Variants in TMTC2 observed in about 807,000 individuals in gnomAD.
TMTC2 encodes transmembrane O-mannosyltransferase targeting cadherins 2, also known as protein O-mannosyl-transferase TMTC2.
A neutral mutation model predicts 82.4 loss-of-function variants in TMTC2; 43 were observed. The observed-to-expected ratio is 0.52, with a 90% confidence interval of 0.41 to 0.67. TMTC2 has a LOEUF of 0.67. TMTC2 is among the 30% of genes least tolerant of loss of function. The pLI, the probability that TMTC2 is intolerant of heterozygous loss-of-function variation, is 0.00. For synonymous variants in TMTC2, 408 were observed against 381.9 expected, an observed-to-expected ratio of 1.07 and a Z score of -0.80; for missense variants, 919 against 1,012.4, an observed-to-expected ratio of 0.91 and a Z score of 1.25.
intron 4 of TMTC2, among the ~76,000 whole-genome samples, chr12:82,954,796 G>C (rs1029727917): frequency 6.6e-6 from 1 of 152,228 alleles, no homozygotes; most frequent in African/African-American, 2.4e-5. Context: ...GTTCTATCTA[G>C]AGGGCAGTCT....
intron 8 of TMTC2, among the ~76,000 whole-genome samples, chr12:83,019,008 T>A (rs1880799073): frequency 1.3e-5 from 2 of 152,078 alleles, no homozygotes; most frequent in Non-Finnish European, 2.9e-5. Context: ...ACAACAAAAG[T>A]AGGAATCAAG....
rs141652120 is a variant in TMTC2 at position 82,761,884 on chromosome 12, T to TTCTTTCTTTCTC, written c.83+74218_83+74219insTTCTTTCTCTCT. On this transcript the variant is annotated intron_variant, in intron 1 of 11. Transcript: ENST00000321196. ...TGTTTCTCTTTCTCTCTTTCTTTCT[T>TTCTTTCTTTCTC]TCTCTCTCTTTCTTTCTTTCTTTTT... Among the ~76,000 whole-genome samples the TTCTTTCTTTCTC allele has an allele frequency of 1.4e-3, 216 of 150,030 alleles. 1 individual carries two copies. Among genetic ancestry groups the TTCTTTCTTTCTC allele is most frequent in the Middle Eastern group, 3.4e-3 (1 of 294 alleles).
At chr12:82,824,641 C>T (rs992264326) in intron 1 of TMTC2, among the ~76,000 whole-genome samples, 2 of 151,994 alleles carry the variant, frequency 1.3e-5, no homozygotes, top group African/African-American at 4.8e-5. Flanking sequence ...ATTAAATGGC[C>T]TGAGAAATTG....
intron 4 of TMTC2, among the ~76,000 whole-genome samples, chr12:82,936,602 A>G (rs1274759074): frequency 6.6e-6 from 1 of 152,164 alleles, no homozygotes; most frequent in African/African-American, 2.4e-5. Context: ...TTAAATTACT[A>G]TACTCTTTCA....
At chr12:82,913,239 T>A (rs2137213473) in intron 3 of TMTC2, among the ~76,000 whole-genome samples, 1 of 152,270 alleles carries the variant, frequency 6.6e-6, no homozygotes, top group South Asian at 2.1e-4. Flanking sequence ...GTTGATGAAG[T>A]CACTAAAGTC....
chr12:83,077,171 C>T (rs1332474768), intron 11 of TMTC2, among the ~76,000 whole-genome samples: 3 of 152,082 alleles, frequency 2.0e-5, no homozygotes, highest in Non-Finnish European at 4.4e-5. Context: ...GGCATATTGA[C>T]GTTGTTTAAG....
At chr12:82,755,487 G>T (rs1876256009) in intron 1 of TMTC2, among the ~76,000 whole-genome samples, 1 of 152,144 alleles carries the variant, frequency 6.6e-6, no homozygotes, top group South Asian at 2.1e-4. Flanking sequence ...TCAGTTCCTG[G>T]CATTTTTGTT....
chr12:82,857,916 G>A (rs537993216), intron 2 of TMTC2, among the ~76,000 whole-genome samples: 29 of 152,212 alleles, frequency 1.9e-4, no homozygotes, highest in Admixed American at 7.2e-4. Context: ...TGTCTATAAC[G>A]TGTATTTGTA....
intron 1 of TMTC2, among the ~76,000 whole-genome samples, chr12:82,722,508 A>G (rs1347074903): frequency 7.5e-6 from 1 of 132,702 alleles, no homozygotes; most frequent in African/African-American, 2.9e-5. Context: ...CAGAGCTTGC[A>G]GTGAGCAGAG....
At chr12:82,842,609 C>T (rs1235154224) in intron 1 of TMTC2, among the ~76,000 whole-genome samples, 1 of 152,038 alleles carries the variant, frequency 6.6e-6, no homozygotes, top group African/African-American at 2.4e-5. Flanking sequence ...TATTATTTTT[C>T]TAGGGCTGCC....
intron 7 of TMTC2, among the ~76,000 whole-genome samples, chr12:82,968,612 A>G (rs934976115): frequency 6.6e-6 from 1 of 152,142 alleles, no homozygotes; most frequent in African/African-American, 2.4e-5. Flanking sequence ...TTGGCAACAG[A>G]CTGCATGTAG....
intron 1 of TMTC2, among the ~76,000 whole-genome samples, chr12:82,752,845 C>T (rs1876090957): frequency 6.6e-6 from 1 of 152,074 alleles, no homozygotes; most frequent in African/African-American, 2.4e-5. Context: ...CACATCTCTT[C>T]TGTCTTCTGT....
At chr12:82,811,431 C>T (rs1277446543) in intron 1 of TMTC2, among the ~76,000 whole-genome samples, 1 of 151,830 alleles carries the variant, frequency 6.6e-6, no homozygotes, top group Non-Finnish European at 1.5e-5. Context: ...ATATATTTTA[C>T]AATAATAGTA....
Position 82,985,962 on chromosome 12 carries a change from A to G in TMTC2, c.1986A>G (p.Ala662=). The G allele has an allele frequency of 6.2e-7, 1 of 1,613,992 alleles. No homozygotes were observed. The highest frequency in any genetic ancestry group is 2.2e-5 in the East Asian group (1 of 44,868). The change falls in exon 8 of 12, where the codon GCA becomes GCG. Residue 662 remains alanine (A), a synonymous_variant. Transcript: ENST00000321196. ...AYMRLSKLPE[A]EHWYMESLRS... ...TGCGTTTAAGCAAACTCCCCGAAGC[A>G]GAGCATTGGTATATGGAATCACTGA... is the stretch of plus-strand genomic sequence containing the variant.
At chr12:82,830,963 G>A (rs1259892118) in intron 1 of TMTC2, among the ~76,000 whole-genome samples, 1 of 152,142 alleles carries the variant, frequency 6.6e-6, no homozygotes, top group African/African-American at 2.4e-5. Context: ...CAAGAAGGTG[G>A]TAACTTCTGC....
chr12:83,037,976 CA>C (rs1018458841), intron 9 of TMTC2, among the ~76,000 whole-genome samples: 7 of 151,886 alleles, frequency 4.6e-5, no homozygotes, highest in African/African-American at 1.7e-4. Flanking sequence ...GAGATAGGAA[CA>C]AATGATACAA....
intron 1 of TMTC2, among the ~76,000 whole-genome samples, chr12:82,846,050 C>T (rs1565775980): frequency 6.6e-6 from 1 of 151,812 alleles, no homozygotes; most frequent in East Asian, 1.9e-4. Flanking sequence ...ATTCTACTTC[C>T]TCATTTTCTC....
At position 82,687,607 on chromosome 12, in the gene TMTC2, C is replaced by T. The variant is rs761048068; in HGVS notation, c.21C>T (p.Ser7=). 1 of 1,601,740 alleles carries T rather than the reference C, an allele frequency of 6.2e-7. No individual in the cohort carries two copies. The highest frequency in any genetic ancestry group is 1.1e-5 in the South Asian group (1 of 87,928). MIAELV[S]SALGLALYLN... ...GAGAGATGATTGCAGAGTTGGTGAG[C>T]AGCGCTCTGGGGCTCGCCTTGTATC... is the stretch of plus-strand genomic sequence containing the variant. The change falls in exon 1 of 12, where the codon AGC becomes AGT. Residue 7 remains serine (S), a synonymous_variant. Coordinates refer to ENST00000321196, the MANE Select transcript of TMTC2 (RefSeq NM_152588.3).
At chr12:82,802,473 C>T (rs937707386) in intron 1 of TMTC2, among the ~76,000 whole-genome samples, 10 of 152,156 alleles carry the variant, frequency 6.6e-5, no homozygotes, top group South Asian at 2.1e-4. Flanking sequence ...TGAGAGTGAG[C>T]GAGGACTGGG....
Sources: gnomAD v4.1 joint callset for allele counts (sites outside exome capture counted in the v4.1 genomes callset) on GRCh38, gnomAD v4.1.1 for gene constraint, MANE v1.5 for transcripts, NCBI Gene and HGNC (gene_info 2026-07-23, HGNC 2026-07-21) for gene names.